Variants in PSD3 observed in about 807,000 individuals in gnomAD.
PSD3 encodes PH and SEC7 domain-containing protein 3.
A neutral mutation model predicts 105.5 loss-of-function variants in PSD3; 49 were observed. The observed-to-expected ratio is 0.46, with a 90% CI of 0.37 to 0.59. The LOEUF (loss-of-function observed/expected upper bound fraction) is 0.59, where lower values mean the gene tolerates loss of function less well. PSD3 is among the 20% of genes least tolerant of loss of function. The pLI is 0.00. For synonymous variants in PSD3, 557 were observed against 457.8 expected (o/e 1.22, Z -2.77); for missense variants, 1,561 against 1,263.8 (o/e 1.24, Z -3.57).
chr8:18,772,621 G>A (rs948338927), intron 8 of PSD3, among the ~76,000 whole-genome samples: 9 of 152,088 alleles, frequency 5.9e-5, no homozygotes, highest in Non-Finnish European at 1.2e-4. Flanking sequence ...TGTTTCTCCT[G>A]ACTCGGCCTC....
chr8:18,779,637 GTT>G (rs765206542), intron 8 of PSD3, among the ~76,000 whole-genome samples: 5 of 151,924 alleles, frequency 3.3e-5, no homozygotes, highest in African/African-American at 1.2e-4. Flanking sequence ...GATATGTTGT[GTT>G]CCCATTTTGA....
chr8:18,813,915 C>A (rs547138219), intron 4 of PSD3, among the ~76,000 whole-genome samples: 1 of 152,160 alleles, frequency 6.6e-6, no homozygotes, highest in African/African-American at 2.4e-5. Context: ...GATCCATCTT[C>A]GTCACCAACA....
chr8:18,654,709 G>A (rs747177133), intron 10 of PSD3, among the ~76,000 whole-genome samples: 3 of 152,072 alleles, frequency 2.0e-5, no homozygotes, highest in African/African-American at 4.8e-5. Flanking sequence ...TCCTCTCTTG[G>A]GGACTGATAA....
chr8:18,541,198 C>A (rs1800132821), intron 15 of PSD3, among the ~76,000 whole-genome samples: 1 of 150,716 alleles, frequency 6.6e-6, no homozygotes, highest in African/African-American at 2.4e-5. Context: ...CTTTGCCCCC[C>A]AATACTAGAT....
chr8:19,083,629 G>A (rs1172470588), intron 1 of PSD3, among the ~76,000 whole-genome samples: 1 of 152,246 alleles, frequency 6.6e-6, no homozygotes, highest in East Asian at 1.9e-4. Context: ...GTGTGGCTGA[G>A]TTCCAAGGCT....
chr8:19,045,579 G>C (rs973068561), intron 1 of PSD3, among the ~76,000 whole-genome samples: 20 of 152,334 alleles, frequency 1.3e-4, no homozygotes, highest in Admixed American at 3.3e-4. Context: ...TTACCCAAGT[G>C]ATTAGGAAAT....
chr8:18,587,329 G>T (rs1563350693), intron 12 of PSD3, among the ~76,000 whole-genome samples: 1 of 152,116 alleles, frequency 6.6e-6, no homozygotes, highest in Non-Finnish European at 1.5e-5. Flanking sequence ...AATTCCTTGA[G>T]GGAAGAAAAC....
At chr8:18,823,445 G>A (rs558615469) in intron 4 of PSD3, among the ~76,000 whole-genome samples, 2 of 152,220 alleles carry the variant, frequency 1.3e-5, no homozygotes, top group African/African-American at 4.8e-5. Flanking sequence ...TAGCAAAGGC[G>A]TGAATTCTCC....
chr8:18,945,582 T>A (rs1822808029), intron 1 of PSD3, among the ~76,000 whole-genome samples: 1 of 152,232 alleles, frequency 6.6e-6, no homozygotes, highest in Non-Finnish European at 1.5e-5. Flanking sequence ...TTGTGATACT[T>A]TCTTCCAGCA....
chr8:18,634,680 C>G (rs1807133616), intron 10 of PSD3, among the ~76,000 whole-genome samples: 1 of 152,080 alleles, frequency 6.6e-6, no homozygotes. Context: ...TGTAGAATAT[C>G]CTCAGTTTAG....
rs762209045 is a variant in PSD3 at position 18,527,571 on chromosome 8, G to C, written c.*8172C>G. On this transcript the variant is annotated 3_prime_UTR_variant, in exon 16 of 16. Coordinates refer to ENST00000327040, the MANE Select transcript of PSD3 (RefSeq NM_015310.4). ...ATGACTCACTTGTCTACAAGGTTTA[G>C]ATTTACTTGAACAACAGTGAAATAG... 1.3e-5 allele frequency: 2 copies of C among 152,558 alleles called. No homozygotes were observed. Among genetic ancestry groups the C allele is most frequent in the Non-Finnish European group, 2.9e-5 (2 of 68,034 alleles). The allele number at this position is 152,558 out of a possible 1,614,324, so 9.5% of individuals were successfully genotyped here. A position where few individuals can be genotyped will look rare whatever the true frequency, so the allele number is the denominator to read the frequency against.
chr8:18,624,188 G>T (rs1018934626), intron 11 of PSD3, among the ~76,000 whole-genome samples: 4 of 152,142 alleles, frequency 2.6e-5, no homozygotes, highest in Admixed American at 2.6e-4. Context: ...ATTGCCAACT[G>T]CTTTCTGAAG....
At chr8:18,636,825 C>T (rs1306549284) in intron 10 of PSD3, among the ~76,000 whole-genome samples, 2 of 152,170 alleles carry the variant, frequency 1.3e-5, no homozygotes, top group Non-Finnish European at 2.9e-5. Context: ...CCATATAGTA[C>T]ACATGATGTT....
Position 18,535,729 on chromosome 8 carries a change from G to A in PSD3, c.*14C>T, listed in dbSNP as rs752048884. 7 of 1,587,142 alleles carry A rather than the reference G, an allele frequency of 4.4e-6. No individual in the cohort carries two copies. The highest frequency in any genetic ancestry group is 2.2e-5 in the East Asian group (1 of 44,714). On this transcript the variant is annotated 3_prime_UTR_variant, in exon 16 of 16. Transcript: ENST00000327040. Reference sequence around the variant, plus strand: ...TTTGCTCCATGACCAGCACTTCCTGGCCGCAGATGGACTCTAAGTAACTTT... The same window carrying A: ...TTTGCTCCATGACCAGCACTTCCTGACCGCAGATGGACTCTAAGTAACTTT...
intron 4 of PSD3, among the ~76,000 whole-genome samples, chr8:18,823,793 C>CAA (rs1812948920): frequency 8.9e-6 from 1 of 112,368 alleles, no homozygotes; most frequent in Admixed American, 7.9e-5. Context: ...CACACACACA[C>CAA]ACACACACAC....
intron 4 of PSD3, among the ~76,000 whole-genome samples, chr8:18,812,680 A>T (rs1811797064): frequency 6.6e-6 from 1 of 152,184 alleles, no homozygotes; most frequent in Admixed American, 6.5e-5. Context: ...AGGTTGTGAG[A>T]AAAAGAAGTT....
At chr8:18,584,669 A>T (rs1803039518) in intron 12 of PSD3, among the ~76,000 whole-genome samples, 1 of 152,210 alleles carries the variant, frequency 6.6e-6, no homozygotes, top group Non-Finnish European at 1.5e-5. Flanking sequence ...TACATTTGTG[A>T]TGTATAATGC....
At chr8:18,862,805 C>T (rs1816546107) in intron 4 of PSD3, among the ~76,000 whole-genome samples, 1 of 148,906 alleles carries the variant, frequency 6.7e-6, no homozygotes, top group Admixed American at 6.8e-5. Flanking sequence ...ACAAACAATA[C>T]AGATAGAGAA....
intron 4 of PSD3, among the ~76,000 whole-genome samples, chr8:18,828,067 A>ATATATATATATT (rs371473289): frequency 9.3e-5 from 11 of 118,896 alleles, no homozygotes; most frequent in African/African-American, 3.9e-4. Flanking sequence ...ATATATATAT[A>ATATATATATATT]TTTTTTTTTT....
Sources: gnomAD v4.1 joint callset for allele counts (sites outside exome capture counted in the v4.1 genomes callset) on GRCh38, gnomAD v4.1.1 for gene constraint, MANE v1.5 for transcripts, NCBI Gene and HGNC (gene_info 2026-07-23, HGNC 2026-07-21) for gene names.